The following ALMS1 variants were observed in gnomAD, a reference collection of about 807,000 sequenced individuals.
ALMS1 encodes the protein ALMS1 centrosome and basal body associated protein.
A neutral mutation model predicts 352.2 loss-of-function variants in ALMS1; 271 were observed. The ratio of observed to expected loss-of-function variants is 0.77; its 90% confidence interval spans 0.70 to 0.85. ALMS1 has a LOEUF of 0.85. ALMS1 is among the 40% of genes least tolerant of loss of function. The probability of loss-of-function intolerance (pLI) is 0.00; values close to 1 mark genes in which losing one functional copy is unlikely to be tolerated. For missense variants in ALMS1, 5,445 were observed against 4,870.7 expected (o/e 1.12, Z -3.51); for synonymous variants, 1,865 against 1,761.2 (o/e 1.06, Z -1.48).
At chr2:73,571,525 T>TA (rs1170646832) in intron 15 of ALMS1, among the ~76,000 whole-genome samples, 11 of 152,258 alleles carry the variant, frequency 7.2e-5, no homozygotes, top group African/African-American at 2.6e-4. Flanking sequence ...CAAAGGGCAC[T>TA]AATCCCATTC....
intron 21 of ALMS1, among the ~76,000 whole-genome samples, chr2:73,605,321 A>T (rs1675792897): frequency 6.6e-6 from 1 of 152,224 alleles, no homozygotes; most frequent in Non-Finnish European, 1.5e-5. Flanking sequence ...CGGTGGCATT[A>T]ACAAATGTGA....
At chr2:73,486,644 C>T (rs1392870870) in intron 9 of ALMS1, among the ~76,000 whole-genome samples, 1 of 152,178 alleles carries the variant, frequency 6.6e-6, no homozygotes, top group East Asian at 1.9e-4. Flanking sequence ...TCCTCAGGTC[C>T]CTAGATCTCT....
chr2:73,548,870 C>A (rs1674372818), intron 12 of ALMS1, among the ~76,000 whole-genome samples: 1 of 151,976 alleles, frequency 6.6e-6, no homozygotes, highest in South Asian at 2.1e-4. Flanking sequence ...TTAAGGAACT[C>A]CACCATTGAG....
In ALMS1 at chr2:73,512,151, C is replaced by T. The variant is rs544307884; in HGVS notation, c.9540-7624C>T. Among the ~76,000 whole-genome samples the T allele has an allele frequency of 4.6e-5, 7 of 152,286 alleles. No individual in the cohort carries two copies. In the South Asian group the frequency reaches 8.3e-4, roughly 18 times the overall value. On this transcript the variant is annotated intron_variant, in intron 10 of 22. Coordinates refer to ENST00000613296, the MANE Select transcript of ALMS1 (RefSeq NM_001378454.1). ...CATGATCTCAGCTCAGTAGCAGGATCTCAGCTCACTGCAACCTCTGCCTCC... is the reference window on the plus strand; with the variant it reads ...CATGATCTCAGCTCAGTAGCAGGATTTCAGCTCACTGCAACCTCTGCCTCC...
intron 9 of ALMS1, among the ~76,000 whole-genome samples, chr2:73,466,504 G>A (rs1236202221): frequency 8.4e-6 from 1 of 119,622 alleles, no homozygotes; most frequent in Non-Finnish European, 1.7e-5. Context: ...GGAGGGGGGA[G>A]GGGGGAGGGA....
intron 1 of ALMS1, among the ~76,000 whole-genome samples, chr2:73,395,440 G>C (rs1670741587): frequency 1.3e-5 from 2 of 152,064 alleles, no homozygotes; most frequent in African/African-American, 4.8e-5. Flanking sequence ...GAAATGTTCT[G>C]ATGTGGCATA....
intron 1 of ALMS1, among the ~76,000 whole-genome samples, chr2:73,392,262 G>C (rs1433175269): frequency 1.3e-3 from 1 of 764 alleles, no homozygotes; most frequent in Non-Finnish European, 2.5e-3. Flanking sequence ...TTACTTTGAT[G>C]TGTGTGTGTG....
chr2:73,528,399 G>A (rs1673838663), intron 11 of ALMS1, among the ~76,000 whole-genome samples: 1 of 152,058 alleles, frequency 6.6e-6, no homozygotes, highest in South Asian at 2.1e-4. Context: ...ATATATCTGG[G>A]TACTCCACCG....
rs972719043 is a variant in ALMS1 at position 73,451,063 on chromosome 2, A to G, written c.4536A>G (p.Thr1512=). 6 of 1,613,068 alleles carry G rather than the reference A, an allele frequency of 3.7e-6. No individual in the cohort carries two copies. The African/African-American group carries it at 6.7e-5, about 18-fold the overall frequency. The part of the protein sequence containing the change: ...VSVAPGPVGQ[T]TGAPTITSPS... ...TTGCTCCTGGACCAGTTGGCCAGAC[A>G]ACTGGCGCACCAACTATAACCTCTC... The change falls in exon 8 of 23, where the codon ACA becomes ACG. Residue 1512 remains threonine (T), a synonymous_variant. Coordinates refer to ENST00000613296, the MANE Select transcript of ALMS1 (RefSeq NM_001378454.1).
intron 10 of ALMS1, among the ~76,000 whole-genome samples, chr2:73,508,204 C>CTT (rs1673376101): frequency 9.4e-6 from 1 of 106,426 alleles, no homozygotes; most frequent in African/African-American, 4.0e-5. Flanking sequence ...CTTTCTTCTT[C>CTT]TTCTTTTTTT....
intron 10 of ALMS1, among the ~76,000 whole-genome samples, chr2:73,502,363 A>G (rs1673235363): frequency 6.6e-6 from 1 of 152,160 alleles, no homozygotes; most frequent in Non-Finnish European, 1.5e-5. Flanking sequence ...AGAACAGAGC[A>G]GTTTTACTCC....
At chr2:73,440,137 C>G (rs145890381) in intron 7 of ALMS1, among the ~76,000 whole-genome samples, 3,363 of 152,126 alleles carry the variant, frequency 0.022, 125 homozygotes, top group Admixed American at 0.088. Context: ...TGTGCCATCA[C>G]GCCTGGCTAA....
rs371618141 is a variant in ALMS1 at position 73,454,741 on chromosome 2, C to T, written c.7541-421C>T. Among the ~76,000 whole-genome samples the T allele has an allele frequency of 1.4e-4, 21 of 152,132 alleles. No homozygotes were observed. The East Asian group carries it at 2.7e-3, about 20-fold the overall frequency. ...AATTTAGGCCTACCTAGAAATCGTC[C>T]CTTGAGGTTAACTTCCTACGCTGTT... is the stretch of plus-strand genomic sequence containing the variant. On this transcript the variant is annotated intron_variant, in intron 8 of 22. Transcript: ENST00000613296.
intron 7 of ALMS1, among the ~76,000 whole-genome samples, chr2:73,441,587 C>G (rs1407522169): frequency 1.3e-5 from 2 of 149,824 alleles, no homozygotes; most frequent in Non-Finnish European, 3.0e-5. Context: ...TTTCTGCCCT[C>G]CTTTGTTCCC....
At chr2:73,476,356 C>T (rs1284533848) in intron 9 of ALMS1, among the ~76,000 whole-genome samples, 1 of 152,044 alleles carries the variant, frequency 6.6e-6, no homozygotes, top group African/African-American at 2.4e-5. Context: ...CTGCTGTGAA[C>T]ATGCTTGTTA....
chr2:73,467,311 T>C (rs1210202339), intron 9 of ALMS1, among the ~76,000 whole-genome samples: 3 of 152,154 alleles, frequency 2.0e-5, no homozygotes, highest in Non-Finnish European at 4.4e-5. Context: ...AAGACTTCAC[T>C]AGGTGTCTCA....
chr2:73,429,610 T>G (rs1671461397), intron 6 of ALMS1, among the ~76,000 whole-genome samples: 1 of 152,150 alleles, frequency 6.6e-6, no homozygotes. Flanking sequence ...ACCTCTTGTT[T>G]TGGCCATTTA....
At chr2:73,455,084 G>A (rs1436983841) in intron 8 of ALMS1, 78 bp from the exon 9 acceptor site, 2 of 1,488,980 alleles carry the variant, frequency 1.3e-6, no homozygotes, top group Non-Finnish European at 1.9e-6. Flanking sequence ...TGCATATATT[G>A]ATGATCTTCT....
At chr2:73,520,045 G>T (rs2103962813) in intron 11 of ALMS1, 29 bp downstream of exon 11, 1 of 1,613,816 alleles carries the variant, frequency 6.2e-7, no homozygotes, top group Non-Finnish European at 8.5e-7. Flanking sequence ...ATTTTAGATT[G>T]TTAGACCAGC....
Sources: allele counts gnomAD v4.1 joint callset (sites outside exome capture counted in the v4.1 genomes callset), GRCh38; gene constraint gnomAD v4.1.1; transcripts MANE v1.5; gene names NCBI Gene and HGNC (gene_info 2026-07-23, HGNC 2026-07-21).